AGAP1: variants seen among roughly 807,000 people sequenced by gnomAD.
AGAP1 encodes the protein ArfGAP with GTPase domain, ankyrin repeat and PH domain 1.
AGAP1 carries 29 observed loss-of-function variants against 105.3 expected under a neutral mutation model. The observed-to-expected ratio is 0.28, with a 90% CI of 0.21 to 0.38. AGAP1 has a LOEUF of 0.38. Among genes scored for constraint, AGAP1 ranks in the 10% least tolerant of loss-of-function variants. The probability of loss-of-function intolerance (pLI) is 1.00; values close to 1 mark genes in which losing one functional copy is unlikely to be tolerated. For missense variants in AGAP1, 998 were observed against 1,165.1 expected, an observed-to-expected ratio of 0.86 and a Z score of 2.09; for synonymous variants, 509 against 485.9, an observed-to-expected ratio of 1.05 and a Z score of -0.63.
chr2:235,997,861 G>A (rs1023645820), intron 13 of AGAP1, among the ~76,000 whole-genome samples: 1 of 151,942 alleles, frequency 6.6e-6, no homozygotes, highest in Non-Finnish European at 1.5e-5. Flanking sequence ...TTTGTTTATG[G>A]GGTATTCTTT....
chr2:235,670,898 T>C, intron 1 of AGAP1: 1 of 1,347,852 alleles, frequency 7.4e-7, no homozygotes, highest in Non-Finnish European at 9.5e-7. Flanking sequence ...GCTGCTGCGC[T>C]TCTTCAGCGG....
chr2:235,678,986 C>T (rs1948914096), intron 1 of AGAP1, among the ~76,000 whole-genome samples: 1 of 152,196 alleles, frequency 6.6e-6, no homozygotes, highest in Non-Finnish European at 1.5e-5. Flanking sequence ...TAATCGGATT[C>T]TCCCTGTGCA....
chr2:235,633,014 A>G lies in AGAP1; in HGVS notation c.164-76165A>G, dbSNP rs1946877954. Among the ~76,000 whole-genome samples the G allele has an allele frequency of 6.6e-6, 1 of 151,794 alleles. No individual in the cohort carries two copies. Among genetic ancestry groups the G allele is most frequent in the South Asian group, 2.1e-4 (1 of 4,788 alleles). Reference sequence around the variant, plus strand: ...CTTCCAAACCAGAAGCCCGTGGTGCAGCCTCTGAACCCCCGACTCTTGGTG... The same window carrying G: ...CTTCCAAACCAGAAGCCCGTGGTGCGGCCTCTGAACCCCCGACTCTTGGTG... On this transcript the variant is annotated intron_variant, in intron 1 of 17. Coordinates refer to ENST00000304032, the MANE Select transcript of AGAP1 (RefSeq NM_001037131.3). The surrounding 1 kb of genome is among the most constrained non-coding windows in gnomAD (Gnocchi z 4.8).
Position 235,853,095 on chromosome 2 carries a change from C to T in AGAP1, c.1051-30250C>T, listed in dbSNP as rs563658337. On this transcript the variant is annotated intron_variant, in intron 9 of 17. Transcript: ENST00000304032. Reference sequence around the variant, plus strand: ...GGAAGGAAATCAATGAGCGTTTACGCTCTTTCTTTGAGGAACCTTTTTTTA... The same window carrying T: ...GGAAGGAAATCAATGAGCGTTTACGTTCTTTCTTTGAGGAACCTTTTTTTA... 70 of 1,229,144 alleles carry T rather than the reference C, an allele frequency of 5.7e-5. No individual in the cohort carries two copies. In the African/African-American group the frequency reaches 9.6e-4, roughly 17 times the overall value. 76.1% of individuals were successfully genotyped at this position (1,229,144 alleles called of 1,614,324 possible). A position where few individuals can be genotyped will look rare whatever the true frequency, so the allele number is the denominator to read the frequency against.
chr2:235,515,314 C>T (rs1326929503), intron 1 of AGAP1, among the ~76,000 whole-genome samples: 1 of 152,138 alleles, frequency 6.6e-6, no homozygotes, highest in Non-Finnish European at 1.5e-5. Context: ...GTATTTAGGG[C>T]ACTGCTTGGG....
rs899207266 is a variant in AGAP1, at chr2:236,105,877, G to T, written c.2115-14315G>T. On this transcript the variant is annotated intron_variant, in intron 16 of 17. Coordinates refer to ENST00000304032, the MANE Select transcript of AGAP1 (RefSeq NM_001037131.3). The surrounding 1 kb of genome is among the most constrained non-coding windows in gnomAD (Gnocchi z 4.2). ...CTCCCAAAGTGCTGGGATTACAGGC[G>T]TGAGCCATCGTGCCCGGCCCCTCTT... is the stretch of plus-strand genomic sequence containing the variant. 1.3e-5 allele frequency among the ~76,000 whole-genome samples: 2 copies of T among 152,172 alleles called. No individual in the cohort carries two copies. Among genetic ancestry groups the T allele is most frequent in the Non-Finnish European group, 2.9e-5 (2 of 68,034 alleles).
At chr2:235,765,678 C>T (rs1334234586) in intron 6 of AGAP1, among the ~76,000 whole-genome samples, 2 of 152,154 alleles carry the variant, frequency 1.3e-5, no homozygotes, top group Non-Finnish European at 1.5e-5. Context: ...TGTGACTCAT[C>T]CCCAGCCAAC....
In AGAP1 at chr2:235,625,061, A is replaced by G. The variant is rs1201508561; in HGVS notation, c.164-84118A>G. Among the ~76,000 whole-genome samples the G allele has an allele frequency of 6.6e-6, 1 of 152,196 alleles. No homozygotes were observed. Reference sequence around the variant, plus strand: ...GCCAATTAAACTTCTTTTATTAATTACCCAGCCTCAGATATTCCTTTAGAG... The same window carrying G: ...GCCAATTAAACTTCTTTTATTAATTGCCCAGCCTCAGATATTCCTTTAGAG... On this transcript the variant is annotated intron_variant, in intron 1 of 17. Transcript: ENST00000304032. The surrounding 1 kb of genome is among the most constrained non-coding windows in gnomAD (Gnocchi z 4.0).
Position 235,750,246 on chromosome 2 carries a change from T to C in AGAP1, c.539-108T>C, listed in dbSNP as rs1399631209. 2 of 1,475,460 alleles carry C rather than the reference T, an allele frequency of 1.4e-6. No individual in the cohort carries two copies. Among genetic ancestry groups the C allele is most frequent in the Non-Finnish European group, 1.9e-6 (2 of 1,072,572 alleles). 91.4% of individuals were successfully genotyped at this position (1,475,460 alleles called of 1,614,324 possible). A position where few individuals can be genotyped will look rare whatever the true frequency, so the allele number is the denominator to read the frequency against. On this transcript the variant is annotated intron_variant, in intron 5 of 17. Coordinates refer to ENST00000304032, the MANE Select transcript of AGAP1 (RefSeq NM_001037131.3). The surrounding 1 kb of genome is among the most constrained non-coding windows in gnomAD (Gnocchi z 5.3). ...CTACAATTCCAGATTCATAAACTAA[T>C]TACATTTCTGCTGAGTAAGGTACTG...
chr2:235,966,591 C>T lies in AGAP1; in HGVS notation c.1484-1871C>T, dbSNP rs2054410080. Among the ~76,000 whole-genome samples the T allele has an allele frequency of 2.0e-5, 3 of 152,250 alleles. No homozygotes were observed. In the South Asian group the frequency reaches 6.2e-4, roughly 32 times the overall value. On this transcript the variant is annotated intron_variant, in intron 12 of 17. Transcript: ENST00000304032. ...CGAATTGCCACATTTCTCGCAACTCCTTAAAGTGGTGAAGGGAACTTCCGC... is the reference window on the plus strand; with the variant it reads ...CGAATTGCCACATTTCTCGCAACTCTTTAAAGTGGTGAAGGGAACTTCCGC...
intron 13 of AGAP1, among the ~76,000 whole-genome samples, chr2:236,016,451 TA>T (rs535433485): frequency 2.7e-5 from 4 of 147,722 alleles, no homozygotes; most frequent in African/African-American, 5.0e-5. Flanking sequence ...TTCCAGCCTT[TA>T]AAAAAAAATT....
chr2:235,828,041 C>A (rs1364771409), intron 9 of AGAP1, among the ~76,000 whole-genome samples: 1 of 152,196 alleles, frequency 6.6e-6, no homozygotes, highest in Non-Finnish European at 1.5e-5. Flanking sequence ...GACAGACTTA[C>A]AACAAGTATC....
chr2:236,017,662 G>C (rs758057224), intron 13 of AGAP1, among the ~76,000 whole-genome samples: 24 of 152,192 alleles, frequency 1.6e-4, no homozygotes, highest in Non-Finnish European at 2.9e-4. Context: ...GGACTCAGCT[G>C]TTCTGGGACT....
At position 235,701,196 on chromosome 2, in the gene AGAP1, A is replaced by G. The variant is rs1431221486; in HGVS notation, c.164-7983A>G. On this transcript the variant is annotated intron_variant, in intron 1 of 17. Coordinates refer to ENST00000304032, the MANE Select transcript of AGAP1 (RefSeq NM_001037131.3). This position sits in a 1 kb window ranked among gnomAD's most constrained non-coding sequence, Gnocchi z 4.1. Reference sequence around the variant, plus strand: ...TTATATATATGGGGGGGTGGAAATCACTATCCTCTAAGAAGTTACAAACCT... The same window carrying G: ...TTATATATATGGGGGGGTGGAAATCGCTATCCTCTAAGAAGTTACAAACCT... Among the ~76,000 whole-genome samples the G allele has an allele frequency of 6.6e-6, 1 of 151,560 alleles. No homozygotes were observed. The highest frequency in any genetic ancestry group is 1.5e-5 in the Non-Finnish European group (1 of 67,938).
chr2:236,017,753 A>C (rs2056755724), intron 13 of AGAP1, among the ~76,000 whole-genome samples: 1 of 152,102 alleles, frequency 6.6e-6, no homozygotes, highest in African/African-American at 2.4e-5. Context: ...TTTTTCTTTT[A>C]TGTCCTCTCT....
At position 235,716,110 on chromosome 2, in the gene AGAP1, CAG is replaced by C. The variant is rs1951091767; in HGVS notation, c.223-1444_223-1443del. ...ACCTTCTATCAATGAGTTATGATTC[CAG>C]AGTCTGCAGGGTGTCTCCTGTTAAA... On this transcript the variant is annotated intron_variant, in intron 2 of 17. Coordinates refer to ENST00000304032, the MANE Select transcript of AGAP1 (RefSeq NM_001037131.3). This position sits in a 1 kb window ranked among gnomAD's most constrained non-coding sequence, Gnocchi z 4.0. Among the ~76,000 whole-genome samples, 2 of 152,278 alleles carry C rather than the reference CAG, an allele frequency of 1.3e-5. No homozygotes were observed. The highest frequency in any genetic ancestry group is 4.2e-4 in the South Asian group (2 of 4,810).
intron 1 of AGAP1, among the ~76,000 whole-genome samples, chr2:235,606,435 G>C (rs1945940686): frequency 1.3e-5 from 2 of 152,348 alleles, no homozygotes; most frequent in East Asian, 1.9e-4. Context: ...ACTCGATTCA[G>C]AGACCAAGAA....
At chr2:235,686,829 A>G (rs190296304) in intron 1 of AGAP1, among the ~76,000 whole-genome samples, 1,903 of 139,802 alleles carry the variant, frequency 0.014, 18 homozygotes, top group Non-Finnish European at 0.019. Context: ...AATTAAAATA[A>G]TTTTTTTTTT....
At chr2:235,862,567 GTGCAAAC>G (rs1482125654) in intron 9 of AGAP1, among the ~76,000 whole-genome samples, 4 of 152,274 alleles carry the variant, frequency 2.6e-5, no homozygotes, top group African/African-American at 7.2e-5. Context: ...GGGTAGGGCA[GTGCAAAC>G]TGCAAACTGT....
Sources: allele counts gnomAD v4.1 joint callset (sites outside exome capture counted in the v4.1 genomes callset), GRCh38; gene constraint gnomAD v4.1.1; non-coding constraint Gnocchi (gnomAD v3.1); transcripts MANE v1.5; gene names NCBI Gene and HGNC (gene_info 2026-07-23, HGNC 2026-07-21).